FAM117B: variants seen among roughly 807,000 people sequenced by gnomAD.
FAM117B encodes protein FAM117B.
A neutral mutation model predicts 52.8 loss-of-function variants in FAM117B; 22 were observed. The observed-to-expected ratio is 0.42, with a 90% confidence interval of 0.30 to 0.59. FAM117B has a LOEUF of 0.59. FAM117B is among the 20% of genes least tolerant of loss of function. FAM117B has a pLI of 0.22. For synonymous variants in FAM117B, 309 were observed against 324.1 expected, an observed-to-expected ratio of 0.95 and a Z score of 0.50; for missense variants, 678 against 802.6, an observed-to-expected ratio of 0.84 and a Z score of 1.88.
intron 1 of FAM117B, among the ~76,000 whole-genome samples, chr2:202,651,988 G>T (rs1297543994): frequency 6.6e-6 from 1 of 150,762 alleles, no homozygotes; most frequent in African/African-American, 2.4e-5. Flanking sequence ...GGGAGGCAGG[G>T]TTTGCAGTGA....
chr2:202,759,372 ATCCC>A lies in FAM117B; in HGVS notation c.1451+20_1451+23del. The A allele has an allele frequency of 6.3e-7, 1 of 1,591,092 alleles. No individual in the cohort carries two copies. The highest frequency in any genetic ancestry group is 1.9e-5 in the Admixed American group (1 of 53,792). On this transcript the variant is annotated intron_variant, in intron 7 of 7. Transcript: ENST00000392238. ...AATGCTCGTAAGTATCCCTTCCACCATCCCCACAAAAAAACTATTATGAGCTTTT... is the reference window on the plus strand; with the variant it reads ...AATGCTCGTAAGTATCCCTTCCACCACACAAAAAAACTATTATGAGCTTTT...
chr2:202,755,395 A>T (rs955582277), intron 4 of FAM117B, 143 bp from the exon 5 acceptor site: 3 of 864,870 alleles, frequency 3.5e-6, no homozygotes, highest in African/African-American at 1.7e-5. Context: ...CATGCTAAGG[A>T]GCAGGTTTGG....
At chr2:202,723,462 T>C (rs1574569842) in intron 2 of FAM117B, among the ~76,000 whole-genome samples, 1 of 152,220 alleles carries the variant, frequency 6.6e-6, no homozygotes, top group Non-Finnish European at 1.5e-5. Context: ...CTTCCAGATA[T>C]AATTTACACA....
At chr2:202,763,405 C>T (rs1691929142) in intron 7 of FAM117B, among the ~76,000 whole-genome samples, 1 of 152,078 alleles carries the variant, frequency 6.6e-6, no homozygotes, top group South Asian at 2.1e-4. Flanking sequence ...TAACCTCAAA[C>T]AAATAATTAA....
chr2:202,670,503 C>T (rs1262912843), intron 1 of FAM117B, among the ~76,000 whole-genome samples: 1 of 151,938 alleles, frequency 6.6e-6, no homozygotes, highest in African/African-American at 2.4e-5. Flanking sequence ...GTTGGCCATT[C>T]TGGTCTTGAA....
intron 1 of FAM117B, among the ~76,000 whole-genome samples, chr2:202,687,772 G>A (rs1196489927): frequency 6.6e-6 from 1 of 152,056 alleles, no homozygotes; most frequent in Non-Finnish European, 1.5e-5. Context: ...TTACTAATTG[G>A]ATTTTTAAGT....
At chr2:202,703,159 A>T (rs1366919917) in intron 2 of FAM117B, among the ~76,000 whole-genome samples, 1 of 151,934 alleles carries the variant, frequency 6.6e-6, no homozygotes, top group Non-Finnish European at 1.5e-5. Flanking sequence ...AAACCCTGTA[A>T]CTCCCCATCC....
At chr2:202,752,826 C>A (rs1428204105) in intron 4 of FAM117B, among the ~76,000 whole-genome samples, 1 of 152,072 alleles carries the variant, frequency 6.6e-6, no homozygotes, top group Non-Finnish European at 1.5e-5. Context: ...CCAGATAGTT[C>A]TTTCCAAAAG....
chr2:202,760,911 C>A (rs1305902795), intron 7 of FAM117B, among the ~76,000 whole-genome samples: 1 of 152,174 alleles, frequency 6.6e-6, no homozygotes, highest in Non-Finnish European at 1.5e-5. Context: ...CCCCCCTCCA[C>A]TGCCAGCCCT....
chr2:202,638,485 C>A (rs957393660), intron 1 of FAM117B, among the ~76,000 whole-genome samples: 3 of 152,098 alleles, frequency 2.0e-5, no homozygotes, highest in African/African-American at 7.2e-5. Context: ...CTCCCATGTC[C>A]TCTCTTCATG....
intron 7 of FAM117B, among the ~76,000 whole-genome samples, chr2:202,764,319 C>T (rs1016247126): frequency 6.6e-6 from 1 of 152,052 alleles, no homozygotes; most frequent in African/African-American, 2.4e-5. Context: ...GGCTGGAGTG[C>T]AGTGGCCCGA....
Position 202,726,319 on chromosome 2 carries a change from C to A in FAM117B, c.916C>A (p.Gln306Lys). ...SSRHHRDKER[Q>K]SPFHGNHAAI... ...TCGGCATCATCGAGATAAAGAAAGA[C>A]AGTCTCCATTTCATGGCAACCATGC... The change falls in exon 4 of 8, where the codon CAG becomes AAG. Residue 306 changes from glutamine to lysine, a missense_variant. Gln to Lys is a moderately conservative substitution (Grantham distance 53). Transcript: ENST00000392238. 6.2e-7 allele frequency: 1 copy of A among 1,613,650 alleles called. No individual in the cohort carries two copies. The highest frequency in any genetic ancestry group is 8.5e-7 in the Non-Finnish European group (1 of 1,179,914).
intron 1 of FAM117B, among the ~76,000 whole-genome samples, chr2:202,673,433 G>GTTTTTTTTTTTTTTTGTTTTTTTT (rs1690328910): frequency 2.7e-5 from 1 of 37,510 alleles, no homozygotes; most frequent in African/African-American, 1.6e-4. Flanking sequence ...TTCTTTTTCT[G>GTTTTTTTTTTTTTTTGTTTTTTTT]TTTTTTTTTT....
chr2:202,747,963 A>G (rs1214055205), intron 4 of FAM117B, among the ~76,000 whole-genome samples: 4 of 152,194 alleles, frequency 2.6e-5, no homozygotes, highest in African/African-American at 7.2e-5. Flanking sequence ...TAGAAGAAAC[A>G]ATCCTAAGAT....
In FAM117B at chr2:202,768,239, T is replaced by C. The variant is rs578139013; in HGVS notation, c.*2475T>C. The C allele has an allele frequency of 6.6e-6, 1 of 152,362 alleles. No homozygotes were observed. The highest frequency in any genetic ancestry group is 1.5e-5 in the Non-Finnish European group (1 of 68,032). 9.4% of individuals were successfully genotyped at this position (152,362 alleles called of 1,614,324 possible). A position where few individuals can be genotyped will look rare whatever the true frequency, so the allele number is the denominator to read the frequency against. The stretch of plus-strand genomic sequence containing the variant: ...TCTGTAGAGGTTTTCCCTTTTGCTC[T>C]GTTGTGCCTATTTGTCTAATTCATA... On this transcript the variant is annotated 3_prime_UTR_variant, in exon 8 of 8. Coordinates refer to ENST00000392238, the MANE Select transcript of FAM117B (RefSeq NM_173511.4).
intron 2 of FAM117B, among the ~76,000 whole-genome samples, chr2:202,701,714 A>G (rs1311063153): frequency 6.6e-6 from 1 of 152,216 alleles, no homozygotes; most frequent in Non-Finnish European, 1.5e-5. Context: ...GGAAGAGGTC[A>G]TTGCAGATGT....
At position 202,755,427 on chromosome 2, in the gene FAM117B, C is replaced by T. The variant is rs974550888; in HGVS notation, c.961-111C>T. ...TTGGTCACTCACACTTTTTGTGAGG[C>T]CTGTAAACTTTGATTTATTTTTGAG... On this transcript the variant is annotated intron_variant, in intron 4 of 7. Transcript: ENST00000392238. 53 of 1,325,336 alleles carry T rather than the reference C, an allele frequency of 4.0e-5. No individual in the cohort carries two copies. The African/African-American group carries it at 5.3e-4, about 13-fold the overall frequency. 82.1% of individuals were successfully genotyped at this position (1,325,336 alleles called of 1,614,324 possible). A position where few individuals can be genotyped will look rare whatever the true frequency, so the allele number is the denominator to read the frequency against.
intron 1 of FAM117B, among the ~76,000 whole-genome samples, chr2:202,677,296 G>A (rs546093160): frequency 6.6e-6 from 1 of 152,058 alleles, no homozygotes; most frequent in Admixed American, 6.6e-5. Flanking sequence ...TCGATCTCCT[G>A]ACCTCGTGAT....
chr2:202,740,210 ATTAGCCGAGTGTGGTGGC>A (rs1691510102), intron 4 of FAM117B, among the ~76,000 whole-genome samples: 1 of 117,866 alleles, frequency 8.5e-6, no homozygotes. Context: ...AAATCCCCAA[ATTAGCCGAGTGTGGTGGC>A]AAACACCTTT....
Sources: allele counts gnomAD v4.1 joint callset (sites outside exome capture counted in the v4.1 genomes callset), GRCh38; gene constraint gnomAD v4.1.1; transcripts MANE v1.5; gene names NCBI Gene and HGNC (gene_info 2026-07-23, HGNC 2026-07-21).